Variants in IQSEC1 observed in about 807,000 individuals in gnomAD.
IQSEC1 encodes the protein IQ motif and Sec7 domain ArfGEF 1, also known as IQ motif and SEC7 domain-containing protein 1.
IQSEC1 carries 31 observed loss-of-function variants against 91.0 expected under a neutral mutation model. That is an observed-to-expected ratio of 0.34 (90% CI 0.26 to 0.46). The LOEUF is 0.46. Ranked by LOEUF, IQSEC1 falls within the 20% of genes least tolerant of loss-of-function variation. IQSEC1 has a pLI of 1.00. For synonymous variants in IQSEC1, 699 were observed against 662.6 expected, an observed-to-expected ratio of 1.05 and a Z score of -0.84; for missense variants, 1,388 against 1,575.6, an observed-to-expected ratio of 0.88 and a Z score of 2.02.
At chr3:13,131,478 CTTTTTTTTTTTT>C (rs61345195) in intron 2 of IQSEC1, among the ~76,000 whole-genome samples, 2 of 81,708 alleles carry the variant, frequency 2.4e-5, no homozygotes, top group African/African-American at 4.6e-5. Flanking sequence ...AAATCTATGT[CTTTTTTTTTTTT>C]TTTTTTTTTT....
Position 12,909,495 on chromosome 3 carries a change from C to G in IQSEC1, c.2417-61G>C. ...GTCTCAGTGTGTTCTCTGCAATCTC[C>G]TCTCTGGTCAGGAAACAATGGTAGG... On this transcript the variant is annotated intron_variant, in intron 10 of 13. Coordinates refer to ENST00000613206, the MANE Select transcript of IQSEC1 (RefSeq NM_001134382.3). The surrounding 1 kb of genome is among the most constrained non-coding windows in gnomAD (Gnocchi z 4.9). 6.6e-7 allele frequency: 1 copy of G among 1,510,284 alleles called. No homozygotes were observed. Among genetic ancestry groups the G allele is most frequent in the East Asian group, 2.3e-5 (1 of 44,222 alleles). 93.6% of individuals were successfully genotyped at this position (1,510,284 alleles called of 1,614,324 possible). A position where few individuals can be genotyped will look rare whatever the true frequency, so the allele number is the denominator to read the frequency against.
In IQSEC1 at chr3:12,986,151, C is replaced by T. The variant is rs191458095; in HGVS notation, c.24-44286G>A. ...AAGGTCACCGCAGGCTGGACCCCTGCGCCCAGGTCACACCCACTGGCCAAG... is the reference window on the plus strand; with the variant it reads ...AAGGTCACCGCAGGCTGGACCCCTGTGCCCAGGTCACACCCACTGGCCAAG... On this transcript the variant is annotated intron_variant, in intron 1 of 13. Transcript: ENST00000613206. Among the ~76,000 whole-genome samples, 16 of 152,328 alleles carry T rather than the reference C, an allele frequency of 1.1e-4. 1 individual carries two copies. Among genetic ancestry groups the T allele is most frequent in the Admixed American group, 5.2e-4 (8 of 15,310 alleles).
rs994789728 is a variant in IQSEC1, at chr3:13,211,979, C to T, written c.273-47846G>A. 6.6e-6 allele frequency among the ~76,000 whole-genome samples: 1 copy of T among 152,232 alleles called. No homozygotes were observed. The highest frequency in any genetic ancestry group is 2.4e-5 in the African/African-American group (1 of 41,462). On this transcript the variant is annotated intron_variant, in intron 1 of 15. Coordinates refer to the IQSEC1 transcript ENST00000648114. The surrounding 1 kb of genome is among the most constrained non-coding windows in gnomAD (Gnocchi z 5.3). Reference sequence around the variant, plus strand: ...GGCTCTGGCGCGTGTCGGTGCCCAGCCTCTGTGAGAGGCCCTAGCGGTGGC... The same window carrying T: ...GGCTCTGGCGCGTGTCGGTGCCCAGTCTCTGTGAGAGGCCCTAGCGGTGGC...
intron 2 of IQSEC1, among the ~76,000 whole-genome samples, chr3:13,149,575 T>G (rs547215358): frequency 7.8e-4 from 118 of 152,158 alleles, no homozygotes; most frequent in African/African-American, 2.8e-3. Flanking sequence ...CGGAGGGTGA[T>G]GCACCCTGGG....
intron 1 of IQSEC1, among the ~76,000 whole-genome samples, chr3:13,227,375 C>CAAAAAAAAAAAA (rs753199634): frequency 5.7e-5 from 4 of 70,010 alleles, no homozygotes; most frequent in African/African-American, 6.4e-5. Flanking sequence ...GACTCTGTCT[C>CAAAAAAAAAAAA]AAAAAAAAAA....
chr3:13,209,688 T>TTC (rs1400303888), intron 1 of IQSEC1, among the ~76,000 whole-genome samples: 12 of 152,240 alleles, frequency 7.9e-5, no homozygotes, highest in Non-Finnish European at 1.8e-4. Flanking sequence ...TAATACCAGC[T>TTC]GCCTATGCTG....
At chr3:13,179,990 TCCCCCACC>T (rs572797045) in intron 1 of IQSEC1, among the ~76,000 whole-genome samples, 4,963 of 152,164 alleles carry the variant, frequency 0.033, 265 homozygotes, top group African/African-American at 0.11. Flanking sequence ...TGCCTGAGCC[TCCCCCACC>T]CCCTCTCCGT....
chr3:13,253,751 C>T (rs528090268), intron 1 of IQSEC1, among the ~76,000 whole-genome samples: 8 of 152,216 alleles, frequency 5.3e-5, no homozygotes, highest in Non-Finnish European at 7.4e-5. Context: ...CTCCGCTGTG[C>T]GACAAAAGCT....
chr3:13,235,642 C>T (rs1161877545), intron 1 of IQSEC1, among the ~76,000 whole-genome samples: 1 of 152,204 alleles, frequency 6.6e-6, no homozygotes, highest in Non-Finnish European at 1.5e-5. Context: ...GTGGACATTG[C>T]TCTGGGACCC....
Position 12,924,708 on chromosome 3 carries a change from G to C in IQSEC1, c.1603C>G (p.Arg535Gly). 6.2e-7 allele frequency: 1 copy of C among 1,605,580 alleles called. No individual in the cohort carries two copies. Among genetic ancestry groups the C allele is most frequent in the South Asian group, 1.1e-5 (1 of 89,998 alleles). ...ACGGGCGTGTCGGGCACAAAGCCAC[G>C]CTCGATGAGGTACTGGACTCCCTTC... Reference protein sequence around the residue: ...PEKGVQYLIERGFVPDTPVGV... With the variant: ...PEKGVQYLIEGGFVPDTPVGV... The change falls in exon 4 of 14, where the codon CGT becomes GGT. Residue 535 changes from arginine to glycine, a missense_variant. By Grantham distance (125) the Arg-to-Gly change is moderately radical (BLOSUM62 -2). Transcript: ENST00000613206. The surrounding 1 kb of genome is among the most constrained non-coding windows in gnomAD (Gnocchi z 6.3).
chr3:13,048,432 T>C (rs1286114963), intron 1 of IQSEC1, among the ~76,000 whole-genome samples: 2 of 152,208 alleles, frequency 1.3e-5, no homozygotes, highest in African/African-American at 4.8e-5. Context: ...TCTTCTCCAA[T>C]GCCACCTGCC....
intron 1 of IQSEC1, among the ~76,000 whole-genome samples, chr3:13,209,365 G>C (rs1451429799): frequency 6.6e-6 from 1 of 152,214 alleles, no homozygotes; most frequent in Non-Finnish European, 1.5e-5. Flanking sequence ...TGCCTGGCCT[G>C]CAATTCCCTG....
chr3:13,029,125 C>G (rs1459854406), intron 1 of IQSEC1, among the ~76,000 whole-genome samples: 1 of 152,232 alleles, frequency 6.6e-6, no homozygotes, highest in Admixed American at 6.5e-5. Flanking sequence ...TTCTAAGCCT[C>G]TAGCCTTGAA....
chr3:12,951,938 G>A (rs1372801770), intron 1 of IQSEC1, among the ~76,000 whole-genome samples: 1 of 152,186 alleles, frequency 6.6e-6, no homozygotes, highest in Non-Finnish European at 1.5e-5. Context: ...GGGACGGAGG[G>A]GCTGGTGGAG....
At chr3:12,936,963 C>G (rs181052207) in intron 2 of IQSEC1, among the ~76,000 whole-genome samples, 1 of 150,842 alleles carries the variant, frequency 6.6e-6, no homozygotes, top group Non-Finnish European at 1.5e-5. Flanking sequence ...GACAGAATCT[C>G]GCTCTGTCAC....
intron 1 of IQSEC1, among the ~76,000 whole-genome samples, chr3:12,998,557 G>A (rs74490967): frequency 1.9e-4 from 29 of 152,128 alleles, no homozygotes; most frequent in African/African-American, 6.0e-4. Context: ...ACGATGAAGT[G>A]GGAGGATCAC....
intron 1 of IQSEC1, among the ~76,000 whole-genome samples, chr3:13,226,953 T>G (rs1317172266): frequency 6.6e-6 from 1 of 152,126 alleles, no homozygotes; most frequent in Non-Finnish European, 1.5e-5. Flanking sequence ...GAGTCCTCCC[T>G]GCTGCAGAGG....
chr3:13,232,428 G>C (rs766898182), intron 1 of IQSEC1, among the ~76,000 whole-genome samples: 1 of 152,192 alleles, frequency 6.6e-6, no homozygotes, highest in Non-Finnish European at 1.5e-5. Context: ...GGAGGCTGTC[G>C]CAGGAAACGC....
chr3:13,204,740 A>ACTTT (rs1342785863), intron 1 of IQSEC1, among the ~76,000 whole-genome samples: 2 of 144,970 alleles, frequency 1.4e-5, no homozygotes, highest in East Asian at 4.2e-4. Flanking sequence ...TTTCTATCTT[A>ACTTT]CTTTCTTTCC....
Sources: allele counts gnomAD v4.1 joint callset (sites outside exome capture counted in the v4.1 genomes callset), GRCh38; gene constraint gnomAD v4.1.1; non-coding constraint Gnocchi (gnomAD v3.1); transcripts MANE v1.5; gene names NCBI Gene and HGNC (gene_info 2026-07-23, HGNC 2026-07-21).